ZSCAN2: variants seen among roughly 807,000 people sequenced by gnomAD.
ZSCAN2 encodes zinc finger and SCAN domain containing 2, also known as zinc finger and SCAN domain-containing protein 2.
A neutral mutation model predicts 47.8 loss-of-function variants in ZSCAN2; 26 were observed. The ratio of observed to expected loss-of-function variants is 0.54; its 90% confidence interval spans 0.40 to 0.75. The LOEUF is 0.75. ZSCAN2 is among the 30% of genes least tolerant of loss of function. ZSCAN2 has a pLI of 0.00. For missense variants in ZSCAN2, 732 were observed against 785.4 expected, an observed-to-expected ratio of 0.93 and a Z score of 0.81; for synonymous variants, 305 against 288.7, an observed-to-expected ratio of 1.06 and a Z score of -0.57.
intron 2 of ZSCAN2, 67 bp downstream of exon 2, chr15:84,604,400 C>T (rs933627641): frequency 2.0e-6 from 3 of 1,524,190 alleles, no homozygotes; most frequent in Non-Finnish European, 2.6e-6. Flanking sequence ...TGTGGTGTTT[C>T]GGAGGAGGAG....
chr15:84,603,640 CCTT>C (rs1277511470), intron 1 of ZSCAN2, among the ~76,000 whole-genome samples, 177 bp from the exon 2 acceptor site: 1 of 152,116 alleles, frequency 6.6e-6, no homozygotes, highest in Non-Finnish European at 1.5e-5. Flanking sequence ...CTGCACCCAG[CCTT>C]CTTTTACCAC....
In ZSCAN2 at chr15:84,616,416, C is replaced by G. The variant is rs910592251; in HGVS notation, c.407-4186C>G. Reference sequence around the variant, plus strand: ...AGCCCTGCTTACCCCAGTTCCCAAACACAGGAAGTGATTTTCTGCCTGAGC... The same window carrying G: ...AGCCCTGCTTACCCCAGTTCCCAAAGACAGGAAGTGATTTTCTGCCTGAGC... On this transcript the variant is annotated intron_variant, in intron 2 of 2. Coordinates refer to ENST00000546148, the MANE Select transcript of ZSCAN2 (RefSeq NM_181877.4). 12 of 1,587,356 alleles carry G rather than the reference C, an allele frequency of 7.6e-6. No homozygotes were observed. The Admixed American group carries it at 1.8e-4, about 24-fold the overall frequency.
rs978811125 is a variant in ZSCAN2, at chr15:84,622,396, C to G, written c.*356C>G. The G allele has an allele frequency of 1.7e-6, 1 of 584,380 alleles. No individual in the cohort carries two copies. The highest frequency in any genetic ancestry group is 1.9e-5 in the African/African-American group (1 of 52,666). The allele number at this position is 584,380 out of a possible 1,614,324, so 36.2% of individuals were successfully genotyped here. On this transcript the variant is annotated 3_prime_UTR_variant, in exon 3 of 3. Coordinates refer to ENST00000546148, the MANE Select transcript of ZSCAN2 (RefSeq NM_181877.4). ...GAATGGAAGACAGCATGGCCCACAA[C>G]GTGGGCCGAGTCCTCAGAGAAATAC...
At position 84,604,089 on chromosome 15, in the gene ZSCAN2, G is replaced by C. The variant is rs759480367; in HGVS notation, c.162G>C (p.Glu54Asp). The part of the protein sequence containing the change: ...AVLQEDGPES[E>D]PFPQSAGKGG... ...TGCAGGAGGATGGCCCTGAGTCTGA[G>C]CCCTTTCCCCAGAGTGCTGGCAAGG... The change falls in exon 2 of 3, where the codon GAG becomes GAC. Residue 54 changes from glutamate (E) to aspartate (D), a missense_variant. Glu to Asp is a conservative substitution (Grantham distance 45). Transcript: ENST00000546148. 3 of 1,614,168 alleles carry C rather than the reference G, an allele frequency of 1.9e-6. No homozygotes were observed. The highest frequency in any genetic ancestry group is 2.5e-6 in the Non-Finnish European group (3 of 1,180,028).
At chr15:84,613,487 A>G (rs754595708) in intron 2 of ZSCAN2, among the ~76,000 whole-genome samples, 2 of 151,570 alleles carry the variant, frequency 1.3e-5, no homozygotes, top group African/African-American at 4.9e-5. Flanking sequence ...CACCCAGCTA[A>G]TTTTTGTATG....
Position 84,623,244 on chromosome 15 carries a change from C to T in ZSCAN2, c.*1204C>T, listed in dbSNP as rs1024798817. The T allele has an allele frequency of 5.5e-5, 9 of 164,110 alleles. No homozygotes were observed. The highest frequency in any genetic ancestry group is 1.2e-4 in the South Asian group (1 of 8,300). 10.2% of individuals were successfully genotyped at this position (164,110 alleles called of 1,614,324 possible). ...CTGGGACTACAGGTGCCCACCACCA[C>T]ACCCAGCTAATTTCTTTTTTTGTAT... On this transcript the variant is annotated 3_prime_UTR_variant, in exon 3 of 3. Coordinates refer to ENST00000546148, the MANE Select transcript of ZSCAN2 (RefSeq NM_181877.4).
At chr15:84,618,041 C>T (rs16974951) in intron 2 of ZSCAN2, among the ~76,000 whole-genome samples, 19,568 of 152,262 alleles carry the variant, frequency 0.13, 1,622 homozygotes, top group East Asian at 0.37. Context: ...TTATCATGTT[C>T]ATATGTAAGA....
chr15:84,611,568 T>G (rs1030288966), intron 2 of ZSCAN2: 2 of 152,148 alleles, frequency 1.3e-5, no homozygotes, highest in African/African-American at 4.8e-5. Context: ...GCCAACGTGG[T>G]GAAACCTCAT....
Position 84,603,947 on chromosome 15 carries a change from C to T in ZSCAN2, c.20C>T (p.Pro7Leu), listed in dbSNP as rs146866915. The change falls in exon 2 of 3, where the codon CCG (proline) becomes CTG (leucine). Residue 7 changes from proline (P) to leucine (L), a missense_variant. Pro to Leu is a moderately conservative substitution (Grantham distance 98). This residue lies in a region of ZSCAN2 where 320 missense variants were observed against 287.4 expected (regional missense o/e 1.11). Transcript: ENST00000546148. ...CTGTGGATGATGGCTGCAGACATCC[C>T]GAGAGTGACCACTCCGCTGAGCTCC... MMAADI[P>L]RVTTPLSSLV... 3.7e-6 allele frequency: 6 copies of T among 1,613,416 alleles called. No individual in the cohort carries two copies. The highest frequency in any genetic ancestry group is 1.3e-5 in the African/African-American group (1 of 74,844).
At chr15:84,601,934 T>C (rs991856154) in intron 1 of ZSCAN2, 2 of 151,954 alleles carry the variant, frequency 1.3e-5, no homozygotes, top group African/African-American at 4.8e-5. Flanking sequence ...TCCCGTTCTT[T>C]TTTCCTGTGA....
rs370905881 is a variant in ZSCAN2, at chr15:84,621,800, C to T, written c.1605C>T (p.Cys535=). Residue 535 remains cysteine, a synonymous_variant, in exon 3 of 3, where the codon TGC becomes TGT. Transcript: ENST00000546148. The surrounding 1 kb of genome is among the most constrained non-coding windows in gnomAD (Gnocchi z 5.7). The part of the protein sequence containing the change: ...TGEKPYKCLM[C]GKSFSRGSIL... ...AGAAGCCCTACAAATGCCTCATGTG[C>T]GGCAAGAGCTTCAGCCGGGGCTCCA... The T allele has an allele frequency of 2.6e-5, 42 of 1,613,886 alleles. No homozygotes were observed. The highest frequency in any genetic ancestry group is 2.0e-4 in the East Asian group (9 of 44,886).
chr15:84,619,413 C>G (rs1235503020), intron 2 of ZSCAN2, among the ~76,000 whole-genome samples: 7 of 148,942 alleles, frequency 4.7e-5, no homozygotes, highest in South Asian at 2.1e-4. Context: ...CTGGGCCACA[C>G]AGCGAGACTC....
chr15:84,602,080 AG>A (rs1387173131), intron 1 of ZSCAN2: 2 of 150,914 alleles, frequency 1.3e-5, no homozygotes, highest in Non-Finnish European at 2.9e-5. Flanking sequence ...CAGCCTCCGG[AG>A]TAGCTGGGAT....
intron 1 of ZSCAN2, among the ~76,000 whole-genome samples, chr15:84,601,749 T>C (rs1466814629): frequency 2.0e-5 from 3 of 152,142 alleles, no homozygotes; most frequent in Non-Finnish European, 4.4e-5. Flanking sequence ...TCTCACTCTG[T>C]TGCCCAGGTT....
chr15:84,621,644 C>T lies in ZSCAN2; in HGVS notation c.1449C>T (p.Phe483=), dbSNP rs1895818979. 3 of 1,613,790 alleles carry T rather than the reference C, an allele frequency of 1.9e-6. No homozygotes were observed. The highest frequency in any genetic ancestry group is 2.5e-6 in the Non-Finnish European group (3 of 1,179,924). ...AGTGCCTGACATGTGGGGAGAGCTT[C>T]AGCTGGAGCTCCAACCTCCTCAAGC... ...PYECLTCGES[F]SWSSNLLKHQ... The change falls in exon 3 of 3, where the codon TTC becomes TTT. Residue 483 remains phenylalanine, a synonymous_variant. Coordinates refer to ENST00000546148, the MANE Select transcript of ZSCAN2 (RefSeq NM_181877.4). The surrounding 1 kb of genome is among the most constrained non-coding windows in gnomAD (Gnocchi z 5.7).
At chr15:84,601,224 A>G (rs993751038) in intron 1 of ZSCAN2, 89 bp downstream of exon 1, 3 of 152,342 alleles carry the variant, frequency 2.0e-5, no homozygotes, top group Admixed American at 6.5e-5. Context: ...AGCTGCCGGC[A>G]GCTCTGCTGG....
intron 2 of ZSCAN2, chr15:84,606,413 G>A: frequency 2.5e-6 from 2 of 799,130 alleles, no homozygotes; most frequent in Non-Finnish European, 4.3e-6. Context: ...GTCTCTTTCT[G>A]CATGGAGATC....
chr15:84,603,785 AC>A, intron 1 of ZSCAN2, 34 bp from the exon 2 acceptor site: 1 of 995,514 alleles, frequency 1.0e-6, no homozygotes, highest in African/African-American at 1.6e-5. Context: ...AGGACAGTCT[AC>A]CTATGGATTA....
chr15:84,623,389 G>T lies in ZSCAN2; in HGVS notation c.*1349G>T. 5.3e-6 allele frequency: 1 copy of T among 190,444 alleles called. No homozygotes were observed. Among genetic ancestry groups the T allele is most frequent in the Non-Finnish European group, 1.2e-5 (1 of 80,462 alleles). The allele number at this position is 190,444 out of a possible 1,614,324, so 11.8% of individuals were successfully genotyped here. ...TTACAGGCGTGAGCCAGCGCACCCGGCCAAGAACATTATTTTTAAAGAAGT... is the reference window on the plus strand; with the variant it reads ...TTACAGGCGTGAGCCAGCGCACCCGTCCAAGAACATTATTTTTAAAGAAGT... On this transcript the variant is annotated 3_prime_UTR_variant, in exon 3 of 3. Coordinates refer to ENST00000546148, the MANE Select transcript of ZSCAN2 (RefSeq NM_181877.4).
Sources: gnomAD v4.1 joint callset for allele counts (sites outside exome capture counted in the v4.1 genomes callset) on GRCh38, gnomAD v4.1.1 for gene constraint, gnomAD v4.1.1 regional missense constraint, Gnocchi (gnomAD v3.1) non-coding constraint, MANE v1.5 for transcripts, NCBI Gene and HGNC (gene_info 2026-07-23, HGNC 2026-07-21) for gene names.